GPATCH11: variants seen among roughly 807,000 people sequenced by gnomAD.
GPATCH11 encodes G-patch domain containing 11.
In GPATCH11, 32 loss-of-function variants were observed where a neutral mutation model predicts 44.8. That is an observed-to-expected ratio of 0.71 (90% confidence interval 0.54 to 0.96). GPATCH11 has a LOEUF of 0.96. Among genes scored for constraint, GPATCH11 ranks in the 40% least tolerant of loss-of-function variants. GPATCH11 has a pLI of 0.00. For synonymous variants in GPATCH11, 84 were observed against 94.4 expected, an observed-to-expected ratio of 0.89 and a Z score of 0.64; for missense variants, 324 against 303.1, an observed-to-expected ratio of 1.07 and a Z score of -0.51.
intron 3 of GPATCH11, 146 bp from the exon 4 acceptor site, chr2:37,090,535 A>G: frequency 1.8e-6 from 1 of 555,846 alleles, no homozygotes; most frequent in East Asian, 3.6e-5. Context: ...GATTATATAT[A>G]GAATATATAT....
Position 37,099,048 on chromosome 2 carries a change from A to C in GPATCH11, c.*2785A>C, listed in dbSNP as rs193167456. On this transcript the variant is annotated 3_prime_UTR_variant, in exon 9 of 9. Transcript: ENST00000674370. ...AATACGAAATTTGAAACTGCAAAAC[A>C]ATGTAAAATTTAATGTCATGTTGTC... 3.3e-5 allele frequency: 5 copies of C among 152,332 alleles called. No individual in the cohort carries two copies. The highest frequency in any genetic ancestry group is 7.3e-5 in the Non-Finnish European group (5 of 68,034). The allele number at this position is 152,332 out of a possible 1,614,324, so 9.4% of individuals were successfully genotyped here. A position where few individuals can be genotyped will look rare whatever the true frequency, so the allele number is the denominator to read the frequency against.
chr2:37,091,790 G>T, intron 4 of GPATCH11, 126 bp from the exon 5 acceptor site: 1 of 752,950 alleles, frequency 1.3e-6, no homozygotes, highest in Non-Finnish European at 2.1e-6. Flanking sequence ...TACTATTAGT[G>T]TACTCAAATG....
intron 2 of GPATCH11, among the ~76,000 whole-genome samples, chr2:37,089,139 C>T (rs766365601): frequency 4.6e-5 from 7 of 152,194 alleles, no homozygotes; most frequent in Admixed American, 1.3e-4. Context: ...TGATCTGGCA[C>T]CAGCCTTCAT....
At chr2:37,084,765 G>A (rs1165601693) in intron 1 of GPATCH11, among the ~76,000 whole-genome samples, 195 bp downstream of exon 1, 1 of 152,098 alleles carries the variant, frequency 6.6e-6, no homozygotes. Flanking sequence ...ATTGAGAGTG[G>A]GACGTTTCTT....
At chr2:37,084,846 G>A (rs562589683) in intron 1 of GPATCH11, among the ~76,000 whole-genome samples, 7 of 152,000 alleles carry the variant, frequency 4.6e-5, no homozygotes. Flanking sequence ...TCTGTTTCCC[G>A]ACTACGCCCC....
At position 37,093,761 on chromosome 2, in the gene GPATCH11, A is replaced by G. The variant is rs1439241600; in HGVS notation, c.541-321A>G. 3.3e-5 allele frequency among the ~76,000 whole-genome samples: 5 copies of G among 152,060 alleles called. No homozygotes were observed. In the East Asian group the frequency reaches 5.8e-4, roughly 18 times the overall value. ...AACCTCCACCTCCTGGGTTCAAGCAATTCTCCTGCCTCGGCCTCCTGAGTA... is the reference window on the plus strand; with the variant it reads ...AACCTCCACCTCCTGGGTTCAAGCAGTTCTCCTGCCTCGGCCTCCTGAGTA... On this transcript the variant is annotated intron_variant, in intron 6 of 8. Transcript: ENST00000674370.
intron 8 of GPATCH11, among the ~76,000 whole-genome samples, chr2:37,095,772 G>A (rs1333299016): frequency 2.0e-5 from 3 of 152,190 alleles, no homozygotes; most frequent in Non-Finnish European, 4.4e-5. Flanking sequence ...ACCTGAGAAT[G>A]ATGAATGTTT....
chr2:37,098,638 C>T lies in GPATCH11; in HGVS notation c.*2375C>T, dbSNP rs1235652086. 1 of 152,248 alleles carries T rather than the reference C, an allele frequency of 6.6e-6. No homozygotes were observed. Among genetic ancestry groups the T allele is most frequent in the Non-Finnish European group, 1.5e-5 (1 of 68,072 alleles). 9.4% of individuals were successfully genotyped at this position (152,248 alleles called of 1,614,324 possible). A position where few individuals can be genotyped will look rare whatever the true frequency, so the allele number is the denominator to read the frequency against. The stretch of plus-strand genomic sequence containing the variant: ...TTATGCTGAGAATGCCAGGATAACA[C>T]TGATGGAACCCATGACTTCACCAGG... On this transcript the variant is annotated 3_prime_UTR_variant, in exon 9 of 9. Coordinates refer to ENST00000674370, the MANE Select transcript of GPATCH11 (RefSeq NM_174931.4).
rs567163437 is a variant in GPATCH11 at position 37,092,036 on chromosome 2, G to A, written c.449G>A (p.Arg150Gln). Reference sequence around the variant, plus strand: ...GAAGAAAAAGCTGCAGAACAGTTTCGGTAAAACTATTTTTGAGCTGGTTTT... The same window carrying A: ...GAAGAAAAAGCTGCAGAACAGTTTCAGTAAAACTATTTTTGAGCTGGTTTT... Reference protein sequence around the residue: ...QAEEKAAEQFRMRLKNKQDEM... With the variant: ...QAEEKAAEQFQMRLKNKQDEM... Residue 150 changes from arginine to glutamine, a missense_variant and splice_region_variant, in exon 5 of 9, where the codon CGA becomes CAA. Physicochemically the swap from Arg to Gln is conservative, Grantham distance 43. Coordinates refer to ENST00000674370, the MANE Select transcript of GPATCH11 (RefSeq NM_174931.4). 2.4e-5 allele frequency: 39 copies of A among 1,611,918 alleles called. No individual in the cohort carries two copies. Among genetic ancestry groups the A allele is most frequent in the African/African-American group, 4.0e-5 (3 of 74,870 alleles).
chr2:37,090,766 A>G (rs777274706), intron 4 of GPATCH11, 44 bp downstream of exon 4: 2 of 950,442 alleles, frequency 2.1e-6, no homozygotes, highest in African/African-American at 3.2e-5. Flanking sequence ...ATAATAACTT[A>G]CGCTTAGGTC....
chr2:37,092,138 T>C (rs1193173221), intron 5 of GPATCH11, 27 bp from the exon 6 acceptor site: 1 of 1,543,000 alleles, frequency 6.5e-7, no homozygotes, highest in Non-Finnish European at 8.7e-7. Flanking sequence ...CGTAGACCTT[T>C]AGTTTACAAT....
chr2:37,092,550 T>G (rs1235721278), intron 6 of GPATCH11, among the ~76,000 whole-genome samples: 1 of 148,412 alleles, frequency 6.7e-6, no homozygotes, highest in East Asian at 1.9e-4. Flanking sequence ...AAAGCTTTCA[T>G]GTAATGTGCA....
chr2:37,085,371 A>G (rs997444510), intron 1 of GPATCH11, among the ~76,000 whole-genome samples: 1 of 152,204 alleles, frequency 6.6e-6, no homozygotes, highest in African/African-American at 2.4e-5. Flanking sequence ...GTTAAATGTG[A>G]TAAAAATGTG....
chr2:37,095,728 AGT>A (rs1220559859), intron 8 of GPATCH11, among the ~76,000 whole-genome samples: 3 of 152,182 alleles, frequency 2.0e-5, no homozygotes, highest in African/African-American at 7.2e-5. Context: ...TGAATTTTTC[AGT>A]GTTTTGTTTC....
intron 3 of GPATCH11, 62 bp from the exon 4 acceptor site, chr2:37,090,619 C>A: frequency 1.1e-6 from 1 of 888,298 alleles, no homozygotes; most frequent in Non-Finnish European, 1.8e-6. Flanking sequence ...AAGTTGCATA[C>A]TTATACTGTT....
Position 37,084,526 on chromosome 2 carries a change from C to T in GPATCH11, c.-58C>T. 8.1e-7 allele frequency: 1 copy of T among 1,232,572 alleles called. No individual in the cohort carries two copies. The highest frequency in any genetic ancestry group is 1.0e-6 in the Non-Finnish European group (1 of 988,292). The allele number at this position is 1,232,572 out of a possible 1,614,324, so 76.4% of individuals were successfully genotyped here. A position where few individuals can be genotyped will look rare whatever the true frequency, so the allele number is the denominator to read the frequency against. On this transcript the variant is annotated 5_prime_UTR_variant, in exon 1 of 9. Transcript: ENST00000674370. ...CGCTGGTCGGTGGGCGCATGCGCAG[C>T]GCGCGCTCTACGGCGCTGAACCGGG... is the stretch of plus-strand genomic sequence containing the variant.
At chr2:37,091,279 G>A (rs1673305059) in intron 4 of GPATCH11, among the ~76,000 whole-genome samples, 2 of 151,606 alleles carry the variant, frequency 1.3e-5, no homozygotes, top group South Asian at 2.1e-4. Flanking sequence ...AGCTAAGATT[G>A]CGCCATTGCA....
Position 37,096,297 on chromosome 2 carries a change from GT to G in GPATCH11, c.*36del. 7.3e-7 allele frequency: 1 copy of G among 1,372,476 alleles called. No individual in the cohort carries two copies. Among genetic ancestry groups the G allele is most frequent in the Non-Finnish European group, 1.0e-6 (1 of 987,002 alleles). The allele number at this position is 1,372,476 out of a possible 1,614,324, so 85.0% of individuals were successfully genotyped here. A position where few individuals can be genotyped will look rare whatever the true frequency, so the allele number is the denominator to read the frequency against. ...CCAATAAAGTGGAAACTTGAAAAAT[GT>G]TATTACTTCCTAGGGATAGACAATT... On this transcript the variant is annotated 3_prime_UTR_variant, in exon 9 of 9. Coordinates refer to ENST00000674370, the MANE Select transcript of GPATCH11 (RefSeq NM_174931.4).
chr2:37,094,013 T>C, intron 6 of GPATCH11, 69 bp from the exon 7 acceptor site: 2 of 959,682 alleles, frequency 2.1e-6, no homozygotes, highest in East Asian at 2.6e-5. Context: ...TGAATTCATG[T>C]TGACATGAAC....
Sources: gnomAD v4.1 joint callset for allele counts (sites outside exome capture counted in the v4.1 genomes callset) on GRCh38, gnomAD v4.1.1 for gene constraint, MANE v1.5 for transcripts, NCBI Gene and HGNC (gene_info 2026-07-23, HGNC 2026-07-21) for gene names.